MALRD1: variants seen among roughly 807,000 people sequenced by gnomAD.
The protein encoded by MALRD1 is MAM and LDL receptor class A domain containing 1.
In MALRD1, 247 loss-of-function variants were observed where a neutral mutation model predicts 242.1. The observed-to-expected ratio is 1.02, with a 90% CI of 0.92 to 1.13. The LOEUF (loss-of-function observed/expected upper bound fraction) is 1.13. Among genes scored for constraint, MALRD1 ranks in the 50% most tolerant of loss-of-function variants. MALRD1 has a pLI of 0.00. For synonymous variants in MALRD1, 995 were observed against 866.6 expected (o/e 1.15, Z -2.60); for missense variants, 2,989 against 2,533.1 (o/e 1.18, Z -3.86).
chr10:19,295,259 A>G (rs180704510), intron 21 of MALRD1, among the ~76,000 whole-genome samples: 6 of 151,648 alleles, frequency 4.0e-5, no homozygotes, highest in South Asian at 2.1e-4. Context: ...ATAAGTCTCA[A>G]TTACTCCTCA....
chr10:19,379,773 A>T (rs974760740), intron 26 of MALRD1, among the ~76,000 whole-genome samples: 7 of 152,082 alleles, frequency 4.6e-5, no homozygotes, highest in African/African-American at 1.7e-4. Context: ...GTGTAGTGTT[A>T]TGTAAATGTT....
chr10:19,139,561 G>A (rs749632966), intron 10 of MALRD1, among the ~76,000 whole-genome samples: 12 of 152,174 alleles, frequency 7.9e-5, no homozygotes, highest in African/African-American at 2.9e-4. Context: ...AGGATTGTCA[G>A]TTGGTATTCC....
intron 5 of MALRD1, among the ~76,000 whole-genome samples, chr10:19,108,387 CTTTTTTT>C (rs35948766): frequency 5.1e-5 from 1 of 19,764 alleles, no homozygotes; most frequent in Admixed American, 6.7e-4. Flanking sequence ...ATTGTTTTTT[CTTTTTTT>C]TTTTTTTTTT....
At chr10:19,514,439 T>G (rs1833540731) in intron 31 of MALRD1, among the ~76,000 whole-genome samples, 1 of 152,152 alleles carries the variant, frequency 6.6e-6, no homozygotes, top group African/African-American at 2.4e-5. Flanking sequence ...AAAAAAATTC[T>G]TTTGAGATAT....
intron 17 of MALRD1, among the ~76,000 whole-genome samples, chr10:19,208,623 G>T (rs1029710692): frequency 2.0e-5 from 3 of 152,116 alleles, no homozygotes; most frequent in African/African-American, 7.2e-5. Context: ...CTACATCAGG[G>T]TGCTTGTTAA....
At chr10:19,525,063 C>T (rs1313094304) in intron 31 of MALRD1, among the ~76,000 whole-genome samples, 3 of 150,100 alleles carry the variant, frequency 2.0e-5, no homozygotes, top group African/African-American at 7.4e-5. Flanking sequence ...TACCACCATG[C>T]CCAGCTAATT....
chr10:19,509,634 G>T (rs1026612533), intron 31 of MALRD1, among the ~76,000 whole-genome samples: 3 of 152,136 alleles, frequency 2.0e-5, no homozygotes, highest in Non-Finnish European at 2.9e-5. Flanking sequence ...GTACAGTATC[G>T]AGTCAGCTGA....
At chr10:19,116,567 G>A (rs1454699003) in intron 5 of MALRD1, among the ~76,000 whole-genome samples, 1 of 152,156 alleles carries the variant, frequency 6.6e-6, no homozygotes, top group Admixed American at 6.5e-5. Context: ...ATGGCCTTGA[G>A]ACTTGGACTT....
chr10:19,280,161 A>C lies in MALRD1; in HGVS notation c.3194A>C (p.Glu1065Ala). ...TGCAGGTCTGATGGTCACTGCATTG[A>C]AAAAATGCAGAAATGTGATTTTAAA... Reference protein sequence around the residue: ...FICRSDGHCIEKMQKCDFKYD... With the variant: ...FICRSDGHCIAKMQKCDFKYD... Residue 1065 changes from glutamate (E) to alanine (A), a missense_variant, in exon 20 of 40, where the codon GAA (glutamate) becomes GCA (alanine). Physicochemically the swap from Glu to Ala is moderately radical, Grantham distance 107 (BLOSUM62 -1). Coordinates refer to ENST00000454679, the MANE Select transcript of MALRD1 (RefSeq NM_001142308.3). 6.5e-7 allele frequency: 1 copy of C among 1,544,804 alleles called. No individual in the cohort carries two copies. Among genetic ancestry groups the C allele is most frequent in the East Asian group, 2.5e-5 (1 of 40,696 alleles).
chr10:19,467,181 C>G (rs554891873), intron 29 of MALRD1, among the ~76,000 whole-genome samples: 18 of 150,436 alleles, frequency 1.2e-4, no homozygotes, highest in Admixed American at 1.1e-3. Context: ...GGTGAAATCC[C>G]ATCTCTACTA....
intron 32 of MALRD1, among the ~76,000 whole-genome samples, chr10:19,545,532 C>A (rs1835172029): frequency 7.1e-6 from 1 of 140,030 alleles, no homozygotes; most frequent in South Asian, 2.1e-4. Flanking sequence ...CCAGTACCTG[C>A]CTACCTTTTA....
chr10:19,073,627 T>C (rs969845192), intron 2 of MALRD1, among the ~76,000 whole-genome samples: 15 of 152,168 alleles, frequency 9.9e-5, no homozygotes, highest in African/African-American at 3.6e-4. Context: ...ATATGAAACA[T>C]AAATGAATTT....
chr10:19,664,097 G>T (rs1841566309), intron 36 of MALRD1, among the ~76,000 whole-genome samples: 2 of 151,712 alleles, frequency 1.3e-5, no homozygotes, highest in African/African-American at 4.8e-5. Context: ...TACCTTCAGA[G>T]TCTTCCATAG....
chr10:19,345,375 G>A (rs1002093892), intron 24 of MALRD1, among the ~76,000 whole-genome samples: 2 of 152,004 alleles, frequency 1.3e-5, no homozygotes, highest in Non-Finnish European at 2.9e-5. Flanking sequence ...CCAGCACAAG[G>A]CAACTGAATT....
chr10:19,239,769 T>C (rs79569286), intron 18 of MALRD1, among the ~76,000 whole-genome samples: 6,767 of 151,050 alleles, frequency 0.045, 195 homozygotes, highest in Middle Eastern at 0.078. Context: ...TTTACCCCTG[T>C]GTGTGCTCTT....
rs151123962 is a variant in MALRD1, at chr10:19,519,656, C to T, written c.5321-11538C>T. Among the ~76,000 whole-genome samples the T allele has an allele frequency of 3.5e-3, 527 of 151,900 alleles. 7 individuals are homozygous for T. The East Asian group carries it at 0.05, about 14-fold the overall frequency. On this transcript the variant is annotated intron_variant, in intron 31 of 39. Coordinates refer to ENST00000454679, the MANE Select transcript of MALRD1 (RefSeq NM_001142308.3). Reference sequence around the variant, plus strand: ...GTGTGTGCCTGTAGTCCTAGTTACTCGGGAAGCTGAAGTGAGAAGATTGCT... The same window carrying T: ...GTGTGTGCCTGTAGTCCTAGTTACTTGGGAAGCTGAAGTGAGAAGATTGCT...
At chr10:19,077,093 T>C (rs1835341508) in intron 2 of MALRD1, among the ~76,000 whole-genome samples, 1 of 151,938 alleles carries the variant, frequency 6.6e-6, no homozygotes, top group African/African-American at 2.4e-5. Flanking sequence ...TATTTTAGAT[T>C]GTTCCTTGCC....
rs1836932881 is a variant in MALRD1 at position 19,209,299 on chromosome 10, A to C, written c.2610A>C (p.Gly870=). The change falls in exon 18 of 40, where the codon GGA becomes GGC. Residue 870 remains glycine, a synonymous_variant. Transcript: ENST00000454679. The stretch of plus-strand genomic sequence containing the variant: ...AGCTGCAGTGTAACTTTGAAACTGG[A>C]ATCTGTAACTGGGAACAAGATGCAA... ...APELQCNFET[G]ICNWEQDAKD... is the part of the protein sequence containing the mutation. 6.5e-7 allele frequency: 1 copy of C among 1,543,738 alleles called. No homozygotes were observed. Among genetic ancestry groups the C allele is most frequent in the Admixed American group, 2.0e-5 (1 of 49,586 alleles).
intron 24 of MALRD1, among the ~76,000 whole-genome samples, chr10:19,342,313 G>A (rs890731645): frequency 6.6e-6 from 1 of 152,044 alleles, no homozygotes; most frequent in African/African-American, 2.4e-5. Flanking sequence ...AAAATCTAAG[G>A]AAGCATCTTA....
Sources: gnomAD v4.1 joint callset for allele counts (sites outside exome capture counted in the v4.1 genomes callset) on GRCh38, gnomAD v4.1.1 for gene constraint, MANE v1.5 for transcripts, NCBI Gene and HGNC (gene_info 2026-07-23, HGNC 2026-07-21) for gene names.